Variants in DNAH8 observed in about 807,000 individuals in gnomAD.
DNAH8 encodes the protein axonemal beta dynein heavy chain 8.
DNAH8 carries 382 observed loss-of-function variants against 562.1 expected under a neutral mutation model. The observed-to-expected ratio is 0.68, with a 90% CI of 0.63 to 0.74. The LOEUF (loss-of-function observed/expected upper bound fraction) is 0.74. Ranked by LOEUF, DNAH8 falls within the 30% of genes least tolerant of loss-of-function variation. DNAH8 has a pLI of 0.00. For synonymous variants in DNAH8, 1,881 were observed against 1,919.4 expected (o/e 0.98, Z 0.52); for missense variants, 5,203 against 5,620.4 (o/e 0.93, Z 2.37).
chr6:38,868,576 C>G (rs1777236269), intron 48 of DNAH8, among the ~76,000 whole-genome samples: 1 of 152,214 alleles, frequency 6.6e-6, no homozygotes, highest in African/African-American at 2.4e-5. Context: ...TCAGATATAT[C>G]TCTCCCAAAA....
intron 72 of DNAH8, 120 bp from the exon 73 acceptor site, chr6:38,923,871 C>A: frequency 8.7e-7 from 1 of 1,146,356 alleles, no homozygotes; most frequent in Non-Finnish European, 1.3e-6. Context: ...GCCTGGCTAC[C>A]AAGCATTAAG....
chr6:38,999,203 A>G (rs1765325117), intron 88 of DNAH8, among the ~76,000 whole-genome samples: 1 of 152,166 alleles, frequency 6.6e-6, no homozygotes, highest in Admixed American at 6.5e-5. Context: ...ATTAGGTGGG[A>G]TCTAGCAGCA....
intron 91 of DNAH8, among the ~76,000 whole-genome samples, chr6:39,013,142 C>G (rs1766341747): frequency 6.6e-6 from 1 of 152,108 alleles, no homozygotes; most frequent in Non-Finnish European, 1.5e-5. Context: ...CTTTATAATT[C>G]TGCTTCATTT....
At chr6:38,958,394 GA>G (rs1197825309) in intron 82 of DNAH8, among the ~76,000 whole-genome samples, 1 of 95,584 alleles carries the variant, frequency 1.0e-5, no homozygotes, top group African/African-American at 3.5e-5. Context: ...GCCAGACTAA[GA>G]AAAAAAGAGA....
chr6:38,980,648 G>C (rs561654392), intron 85 of DNAH8, among the ~76,000 whole-genome samples: 1 of 152,170 alleles, frequency 6.6e-6, no homozygotes, highest in African/African-American at 2.4e-5. Context: ...TAAGGGATAG[G>C]TGTGGGTGTC....
intron 42 of DNAH8, among the ~76,000 whole-genome samples, chr6:38,858,821 C>T (rs945426200): frequency 6.6e-6 from 1 of 152,140 alleles, no homozygotes; most frequent in African/African-American, 2.4e-5. Context: ...TGATGTCCAC[C>T]TCAAGAAGCA....
Position 38,937,746 on chromosome 6 carries a change from G to A in DNAH8, c.11564-228G>A, listed in dbSNP as rs577077680. On this transcript the variant is annotated intron_variant, in intron 77 of 92. Coordinates refer to ENST00000327475, the MANE Select transcript of DNAH8 (RefSeq NM_001206927.2). ...TTTGCTTTTTGCAGATGTTTAGGCA[G>A]AGCAGGGGATAGTCTGTCAGCAGGA... Among the ~76,000 whole-genome samples, 14 of 152,314 alleles carry A rather than the reference G, an allele frequency of 9.2e-5. No homozygotes were observed. The South Asian group carries it at 2.9e-3, about 32-fold the overall frequency.
chr6:38,750,118 C>A (rs146115401), intron 8 of DNAH8, among the ~76,000 whole-genome samples: 2,181 of 152,362 alleles, frequency 0.014, 50 homozygotes, highest in African/African-American at 0.049. Context: ...AGGCGTAAGC[C>A]ACCACGCCCT....
chr6:38,838,156 C>A, intron 33 of DNAH8, 114 bp downstream of exon 33: 1 of 635,952 alleles, frequency 1.6e-6, no homozygotes, highest in South Asian at 2.2e-5. Flanking sequence ...GCTTGGAGCA[C>A]AACTGAATAT....
rs749870549 is a variant in DNAH8 at position 38,872,938 on chromosome 6, G to GTGGA, written c.7273_7276dup (p.Ala2426GlyfsTer6). On this transcript the variant is annotated frameshift_variant, in exon 51 of 93. Coordinates refer to ENST00000327475, the MANE Select transcript of DNAH8 (RefSeq NM_001206927.2). LOFTEE classifies it high-confidence loss of function. The stretch of plus-strand genomic sequence containing the variant: ...CATTTTCCTCATTTTAGATGGTCCT[G>GTGGA]TGGATGCCATCTGGATTGAGAACTT... 11 of 1,614,018 alleles carry GTGGA rather than the reference G, an allele frequency of 6.8e-6. No individual in the cohort carries two copies. In the South Asian group the frequency reaches 1.2e-4, roughly 18 times the overall value.
chr6:38,809,086 C>T (rs6928298), intron 24 of DNAH8, among the ~76,000 whole-genome samples: 44,912 of 149,630 alleles, frequency 0.3, 6,900 homozygotes, highest in Admixed American at 0.38. Context: ...ACTTAAAGTA[C>T]GATTAAAAAA....
At chr6:38,953,144 C>T (rs1762029647) in intron 82 of DNAH8, 1 of 152,208 alleles carries the variant, frequency 6.6e-6, no homozygotes, top group African/African-American at 2.4e-5. Flanking sequence ...GGAAACTCCT[C>T]TTATTGTCAT....
At chr6:38,987,155 G>A (rs908074423) in intron 87 of DNAH8, among the ~76,000 whole-genome samples, 5 of 152,200 alleles carry the variant, frequency 3.3e-5, no homozygotes, top group African/African-American at 1.2e-4. Context: ...AGTGGCAACG[G>A]AAAGCTGCTG....
At chr6:38,848,605 G>T in intron 36 of DNAH8, 43 bp from the exon 37 acceptor site, 1 of 1,520,878 alleles carries the variant, frequency 6.6e-7, no homozygotes, top group South Asian at 1.2e-5. Flanking sequence ...ACTATTTTCT[G>T]AATCTTCTTT....
intron 82 of DNAH8, among the ~76,000 whole-genome samples, chr6:38,956,940 C>T (rs1399752787): frequency 6.6e-6 from 1 of 152,094 alleles, no homozygotes; most frequent in Non-Finnish European, 1.5e-5. Flanking sequence ...TACCTACCAA[C>T]AATTACCTTG....
At chr6:38,919,656 G>C (rs1781553275) in intron 70 of DNAH8, among the ~76,000 whole-genome samples, 1 of 152,156 alleles carries the variant, frequency 6.6e-6, no homozygotes, top group Non-Finnish European at 1.5e-5. Context: ...AGAGGACCTT[G>C]ATTAAATTCC....
intron 91 of DNAH8, among the ~76,000 whole-genome samples, chr6:39,020,670 C>T (rs1211637100): frequency 6.6e-6 from 1 of 152,196 alleles, no homozygotes; most frequent in Non-Finnish European, 1.5e-5. Context: ...TGCTCTCCTT[C>T]CCCTTCCCCC....
rs1052415512 is a variant in DNAH8, at chr6:38,945,504, A to C, written c.12045A>C (p.Lys4015Asn). ...AALDLKACPP[K>N]PYRWILDMTW... is the part of the protein sequence containing the mutation. Reference sequence around the variant, plus strand: ...TGGACCTGAAAGCCTGTCCTCCCAAACCCTATCGCTGGATCCTTGACATGA... The same window carrying C: ...TGGACCTGAAAGCCTGTCCTCCCAACCCCTATCGCTGGATCCTTGACATGA... Residue 4015 changes from lysine to asparagine, a missense_variant, in exon 80 of 93, where the codon AAA (lysine) becomes AAC (asparagine). By Grantham distance (94) the Lys-to-Asn change is moderately conservative. Around this residue, in one of 6 missense-constraint regions of DNAH8, gnomAD observed 1,399 missense variants for 1,518.4 expected, o/e 0.92. Coordinates refer to ENST00000327475, the MANE Select transcript of DNAH8 (RefSeq NM_001206927.2). The C allele has an allele frequency of 1.9e-6, 3 of 1,614,006 alleles. No homozygotes were observed. The African/African-American group carries it at 4.0e-5, about 22-fold the overall frequency.
Position 38,871,228 on chromosome 6 carries a change from C to T in DNAH8, c.6990+666C>T, listed in dbSNP as rs138606088. On this transcript the variant is annotated intron_variant, in intron 49 of 92. Transcript: ENST00000327475. ...AACTGCATTTGAAATATTAATATAA[C>T]GATTCTTATTTTAACTTACTGTTCT... Among the ~76,000 whole-genome samples the T allele has an allele frequency of 6.6e-3, 1,011 of 152,198 alleles. 16 individuals carry two copies. The highest frequency in any genetic ancestry group is 0.023 in the African/African-American group (963 of 41,546).
Sources: allele counts gnomAD v4.1 joint callset (sites outside exome capture counted in the v4.1 genomes callset), GRCh38; gene constraint gnomAD v4.1.1; regional missense constraint gnomAD v4.1.1; transcripts MANE v1.5; gene names NCBI Gene and HGNC (gene_info 2026-07-23, HGNC 2026-07-21).